The following CTNNA2 variants were observed in gnomAD, a reference collection of about 807,000 sequenced individuals.
The protein encoded by CTNNA2 is catenin alpha 2, also known as catenin alpha-2.
CTNNA2 carries 42 observed loss-of-function variants against 101.0 expected under a neutral mutation model. The observed-to-expected ratio is 0.42, with a 90% CI of 0.32 to 0.54. The LOEUF (loss-of-function observed/expected upper bound fraction) is 0.54. Ranked by LOEUF, CTNNA2 falls within the 20% of genes least tolerant of loss-of-function variation. CTNNA2 has a pLI of 0.14. For missense variants in CTNNA2, 871 were observed against 1,223.1 expected (o/e 0.71, Z 4.29); for synonymous variants, 450 against 456.4 (o/e 0.99, Z 0.18).
intron 13 of CTNNA2, among the ~76,000 whole-genome samples, chr2:80,575,986 TTAAA>T (rs777982603): frequency 4.6e-5 from 7 of 152,186 alleles, no homozygotes; most frequent in Non-Finnish European, 7.3e-5. Context: ...CATTTTGCAC[TTAAA>T]TAATTTCTTG....
In CTNNA2 at chr2:79,253,831, T is replaced by TA. The variant is rs201851201; in HGVS notation, c.-406+55756dup. Among the ~76,000 whole-genome samples the TA allele has an allele frequency of 4.7e-3, 709 of 152,336 alleles. 7 individuals carry two copies. Among genetic ancestry groups the TA allele is most frequent in the African/African-American group, 0.016 (678 of 41,582 alleles). On this transcript the variant is annotated intron_variant, in intron 2 of 21. Coordinates refer to the CTNNA2 transcript ENST00000466387. ...GAAGAGCATGTGTATTTGTCGGTGATAGAGTTTATGACTGGAGCCAACAGA... is the reference window on the plus strand; with the variant it reads ...GAAGAGCATGTGTATTTGTCGGTGATAAGAGTTTATGACTGGAGCCAACAGA...
intron 2 of CTNNA2, among the ~76,000 whole-genome samples, chr2:79,269,556 G>T (rs1042101779): frequency 6.6e-6 from 1 of 152,070 alleles, no homozygotes; most frequent in Non-Finnish European, 1.5e-5. Context: ...AGTTCCTCAG[G>T]TTATTATTCA....
chr2:79,331,213 C>A (rs968875790), intron 3 of CTNNA2, among the ~76,000 whole-genome samples: 7 of 152,140 alleles, frequency 4.6e-5, no homozygotes, highest in African/African-American at 1.7e-4. Context: ...CCCACACTCC[C>A]TGCCAGTCTT....
chr2:80,398,922 T>A (rs1678299478), intron 8 of CTNNA2, among the ~76,000 whole-genome samples: 1 of 150,956 alleles, frequency 6.6e-6, no homozygotes, highest in Non-Finnish European at 1.5e-5. Flanking sequence ...GAATCAAAAA[T>A]ACCAGGAGGA....
chr2:80,279,527 A>T (rs552275103), intron 7 of CTNNA2, among the ~76,000 whole-genome samples: 1 of 152,286 alleles, frequency 6.6e-6, no homozygotes, highest in South Asian at 2.1e-4. Flanking sequence ...GTACAATTAT[A>T]CAATATTATA....
intron 4 of CTNNA2, among the ~76,000 whole-genome samples, chr2:79,415,238 C>G (rs1286713320): frequency 6.6e-6 from 1 of 152,092 alleles, no homozygotes; most frequent in African/African-American, 2.4e-5. Flanking sequence ...GAATGTGGCA[C>G]CTCCACCACT....
rs140434512 is a variant in CTNNA2, at chr2:80,336,586, G to A, written c.1057-56625G>A. 1.9e-4 allele frequency among the ~76,000 whole-genome samples: 29 copies of A among 152,228 alleles called. No individual in the cohort carries two copies. The East Asian group carries it at 5.2e-3, about 27-fold the overall frequency. ...AATTTATACACAATGAATGAGTTTT[G>A]ACAAATGCTTGCATCTATGCATCTC... On this transcript the variant is annotated intron_variant, in intron 7 of 18. Transcript: ENST00000402739.
At chr2:79,848,329 AT>A (rs1237546087) in intron 3 of CTNNA2, among the ~76,000 whole-genome samples, 1 of 152,110 alleles carries the variant, frequency 6.6e-6, no homozygotes, top group South Asian at 2.1e-4. Flanking sequence ...TCTATATGCC[AT>A]TTTTCTCTTA....
chr2:79,829,582 TA>T (rs969781334), intron 3 of CTNNA2, among the ~76,000 whole-genome samples: 3 of 151,006 alleles, frequency 2.0e-5, no homozygotes, highest in African/African-American at 4.9e-5. Flanking sequence ...ATAAAATAAT[TA>T]AAAAAAAGAA....
chr2:79,998,938 G>A lies in CTNNA2; in HGVS notation c.1056+89141G>A, dbSNP rs1413445049. Among the ~76,000 whole-genome samples the A allele has an allele frequency of 3.9e-5, 6 of 152,070 alleles. No individual in the cohort carries two copies. The East Asian group carries it at 7.7e-4, about 20-fold the overall frequency. On this transcript the variant is annotated intron_variant, in intron 7 of 18. Coordinates refer to ENST00000402739, the MANE Select transcript of CTNNA2 (RefSeq NM_001282597.3). ...CTCCATGTAAGGAGTCCTGGTCCAC[G>A]TCATTTCTGCCTTCTCCATAGGGTA...
chr2:80,374,276 A>G (rs888684637), intron 7 of CTNNA2, among the ~76,000 whole-genome samples: 3 of 151,950 alleles, frequency 2.0e-5, no homozygotes, highest in African/African-American at 7.3e-5. Flanking sequence ...TTCTGTACCA[A>G]TGTTTAACTC....
intron 2 of CTNNA2, among the ~76,000 whole-genome samples, chr2:79,252,889 C>T (rs1674791723): frequency 1.3e-5 from 2 of 152,008 alleles, no homozygotes; most frequent in Admixed American, 1.3e-4. Flanking sequence ...ATGGAAAACC[C>T]ATGCTTTTAA....
chr2:79,771,349 A>G (rs1673562352), intron 3 of CTNNA2, among the ~76,000 whole-genome samples: 1 of 152,194 alleles, frequency 6.6e-6, no homozygotes, highest in African/African-American at 2.4e-5. Flanking sequence ...GTTTTGTGGA[A>G]GATAGTTTTT....
At chr2:80,078,075 T>G (rs1698875911) in intron 7 of CTNNA2, among the ~76,000 whole-genome samples, 1 of 152,036 alleles carries the variant, frequency 6.6e-6, no homozygotes, top group African/African-American at 2.4e-5. Context: ...TGTGAATCTA[T>G]CCGGTGTTTA....
rs549425755 is a variant in CTNNA2 at position 80,093,007 on chromosome 2, T to A, written c.1056+183210T>A. Reference sequence around the variant, plus strand: ...AAGAATTGTTTCAATTCTTTTTTTTTAAATTTTATTATTATACTTTAAGTT... The same window carrying A: ...AAGAATTGTTTCAATTCTTTTTTTTAAAATTTTATTATTATACTTTAAGTT... On this transcript the variant is annotated intron_variant, in intron 7 of 18. Coordinates refer to ENST00000402739, the MANE Select transcript of CTNNA2 (RefSeq NM_001282597.3). 5.1e-4 allele frequency among the ~76,000 whole-genome samples: 78 copies of A among 152,186 alleles called. 2 individuals carry two copies. In the East Asian group the frequency reaches 8.3e-3, roughly 16 times the overall value.
chr2:79,408,726 T>C (rs1373471992), intron 4 of CTNNA2, among the ~76,000 whole-genome samples: 1 of 152,084 alleles, frequency 6.6e-6, no homozygotes, highest in Non-Finnish European at 1.5e-5. Flanking sequence ...TGGTTCCAAG[T>C]CTTTGCTATT....
chr2:80,446,677 C>T (rs932553746), intron 9 of CTNNA2, among the ~76,000 whole-genome samples: 43 of 152,110 alleles, frequency 2.8e-4, no homozygotes, highest in African/African-American at 1.0e-3. Flanking sequence ...GTCACCCAGA[C>T]TTAAAACCCT....
intron 7 of CTNNA2, among the ~76,000 whole-genome samples, chr2:80,057,450 G>T (rs1374339988): frequency 1.3e-5 from 2 of 152,204 alleles, no homozygotes; most frequent in African/African-American, 2.4e-5. Context: ...AATTAAAAGA[G>T]AAAGTCTCAA....
At chr2:79,770,320 T>TTCA (rs1220820788) in intron 3 of CTNNA2, among the ~76,000 whole-genome samples, 4 of 152,206 alleles carry the variant, frequency 2.6e-5, no homozygotes, top group Non-Finnish European at 4.4e-5. Context: ...TATTATTTAG[T>TTCA]TCATGGTCTC....
Sources: allele counts gnomAD v4.1 joint callset (sites outside exome capture counted in the v4.1 genomes callset), GRCh38; gene constraint gnomAD v4.1.1; transcripts MANE v1.5; gene names NCBI Gene and HGNC (gene_info 2026-07-23, HGNC 2026-07-21).